SLC24A2: variants seen among roughly 807,000 people sequenced by gnomAD.
The protein encoded by SLC24A2 is solute carrier family 24 member 2.
Under a neutral mutation model 62.0 loss-of-function variants are expected in SLC24A2, and 36 were observed. The observed-to-expected ratio is 0.58, with a 90% CI of 0.44 to 0.77. The LOEUF (loss-of-function observed/expected upper bound fraction) is 0.77, where lower values mean the gene tolerates loss of function less well. Among genes scored for constraint, SLC24A2 ranks in the 30% least tolerant of loss-of-function variants. The pLI is 0.00. For missense variants in SLC24A2, 846 were observed against 817.9 expected (o/e 1.03, Z -0.42); for synonymous variants, 358 against 294.0 (o/e 1.22, Z -2.23).
the SLC24A2 span, among the ~76,000 whole-genome samples, chr9:19,877,667 G>A: frequency 6.6e-6 from 1 of 151,762 alleles, no homozygotes; most frequent in Non-Finnish European, 1.5e-5. Context: ...TAGAACTGTG[G>A]CAGATGGAAG....
At chr9:20,259,008 A>G in the SLC24A2 span, among the ~76,000 whole-genome samples, 1 of 152,136 alleles carries the variant, frequency 6.6e-6, no homozygotes, top group African/African-American at 2.4e-5. Context: ...ACTATTAAAC[A>G]TGGAAGAGGG....
chr9:19,942,709 C>T, the SLC24A2 span, among the ~76,000 whole-genome samples: 69,167 of 152,034 alleles, frequency 0.45, 16,281 homozygotes, highest in Non-Finnish European at 0.52. Flanking sequence ...TTTATGTCTA[C>T]GTGGCACTGT....
At chr9:19,992,472 T>C in the SLC24A2 span, among the ~76,000 whole-genome samples, 1 of 152,316 alleles carries the variant, frequency 6.6e-6, no homozygotes, top group Non-Finnish European at 1.5e-5. Context: ...TGAAACCAAA[T>C]CATTTTATAT....
chr9:19,951,268 A>G, the SLC24A2 span, among the ~76,000 whole-genome samples: 1 of 146,944 alleles, frequency 6.8e-6, no homozygotes, highest in Non-Finnish European at 1.5e-5. Flanking sequence ...GTGTGTTTTA[A>G]CATATTCTGG....
the SLC24A2 span, among the ~76,000 whole-genome samples, chr9:20,282,989 G>A: frequency 1.3e-5 from 2 of 152,118 alleles, no homozygotes; most frequent in Admixed American, 1.3e-4. Context: ...ATAGAAACAT[G>A]TTAAGACTGT....
chr9:20,134,432 C>T, the SLC24A2 span, among the ~76,000 whole-genome samples: 1 of 152,040 alleles, frequency 6.6e-6, no homozygotes, highest in Non-Finnish European at 1.5e-5. Flanking sequence ...GTCACAGAGG[C>T]CAGGGCAACT....
At chr9:20,212,022 T>C in the SLC24A2 span, among the ~76,000 whole-genome samples, 1 of 151,894 alleles carries the variant, frequency 6.6e-6, no homozygotes, top group Non-Finnish European at 1.5e-5. Flanking sequence ...AATTAATATA[T>C]CAGAAATAAA....
the SLC24A2 span, among the ~76,000 whole-genome samples, chr9:20,172,223 C>A: frequency 3.3e-5 from 5 of 151,988 alleles, no homozygotes; most frequent in African/African-American, 1.2e-4. Context: ...GAGGAAAGTT[C>A]ATAGCCCTAA....
At chr9:20,279,130 G>T in the SLC24A2 span, among the ~76,000 whole-genome samples, 9 of 152,160 alleles carry the variant, frequency 5.9e-5, no homozygotes, top group Non-Finnish European at 2.9e-5. Flanking sequence ...CCCATGATTT[G>T]ATTTTCTCCA....
intron 4 of SLC24A2, among the ~76,000 whole-genome samples, chr9:19,608,631 A>G (rs997799833): frequency 1.3e-5 from 2 of 152,228 alleles, no homozygotes; most frequent in South Asian, 4.1e-4. Flanking sequence ...ATGACTTCCC[A>G]TAGCCACTGC....
the SLC24A2 span, among the ~76,000 whole-genome samples, chr9:19,941,556 A>AGTGTGTGTGTGTGTGT: frequency 3.0e-5 from 4 of 134,160 alleles, no homozygotes; most frequent in East Asian, 6.4e-4. Flanking sequence ...GAGGACTGGG[A>AGTGTGTGTGTGTGTGT]GTGTGTGTGT....
chr9:19,764,640 A>G (rs989013360), intron 2 of SLC24A2, among the ~76,000 whole-genome samples: 1 of 152,184 alleles, frequency 6.6e-6, no homozygotes, highest in Non-Finnish European at 1.5e-5. Flanking sequence ...CCTGAGTTCT[A>G]TTTTGATTGC....
At chr9:19,826,495 G>GA in the SLC24A2 span, among the ~76,000 whole-genome samples, 2 of 152,236 alleles carry the variant, frequency 1.3e-5, no homozygotes, top group East Asian at 3.9e-4. Context: ...ATAAACAACA[G>GA]AAATTTATTT....
At position 19,784,706 on chromosome 9, in the gene SLC24A2, G is replaced by A. The variant is rs143436884; in HGVS notation, c.930+1231C>T. Among the ~76,000 whole-genome samples the A allele has an allele frequency of 7.2e-5, 11 of 152,222 alleles. No homozygotes were observed. The East Asian group carries it at 1.7e-3, about 24-fold the overall frequency. ...ATGTACTCAGTTGTCACATCTGAAT[G>A]CTTGTTTGCCGTATATTTTGCTAAA... On this transcript the variant is annotated intron_variant, in intron 2 of 10. Coordinates refer to ENST00000341998, the MANE Select transcript of SLC24A2 (RefSeq NM_020344.4).
At chr9:20,307,158 CAGAT>C in the SLC24A2 span, among the ~76,000 whole-genome samples, 3 of 152,222 alleles carry the variant, frequency 2.0e-5, no homozygotes, top group South Asian at 2.1e-4. Context: ...TCATTTGTCA[CAGAT>C]AGAAAGTAAC....
intron 2 of SLC24A2, among the ~76,000 whole-genome samples, chr9:19,735,015 C>T (rs1029967490): frequency 6.6e-6 from 1 of 152,026 alleles, no homozygotes; most frequent in Non-Finnish European, 1.5e-5. Flanking sequence ...CAAATGGGAT[C>T]TAATTAAACT....
chr9:20,053,149 T>A, the SLC24A2 span, among the ~76,000 whole-genome samples: 1 of 152,200 alleles, frequency 6.6e-6, no homozygotes, highest in Non-Finnish European at 1.5e-5. Flanking sequence ...TTTGTTGATT[T>A]CTCGTCAACT....
At chr9:20,093,046 C>G in the SLC24A2 span, among the ~76,000 whole-genome samples, 1 of 151,478 alleles carries the variant, frequency 6.6e-6, no homozygotes, top group Non-Finnish European at 1.5e-5. Flanking sequence ...TTGATTCTTA[C>G]TTTATATTTT....
At chr9:19,542,934 G>A (rs1312023316) in intron 8 of SLC24A2, among the ~76,000 whole-genome samples, 1 of 152,154 alleles carries the variant, frequency 6.6e-6, no homozygotes, top group African/African-American at 2.4e-5. Flanking sequence ...TTGGTATCAG[G>A]ATGATGCTGG....
Sources: gnomAD v4.1 joint callset for allele counts (sites outside exome capture counted in the v4.1 genomes callset) on GRCh38, gnomAD v4.1.1 for gene constraint, MANE v1.5 for transcripts, NCBI Gene and HGNC (gene_info 2026-07-23, HGNC 2026-07-21) for gene names.